ITPRID1: variants seen among roughly 807,000 people sequenced by gnomAD.
The protein encoded by ITPRID1 is ITPR interacting domain containing 1.
In ITPRID1, 96 loss-of-function variants were observed where a neutral mutation model predicts 95.4. The ratio of observed to expected loss-of-function variants is 1.01; its 90% CI spans 0.85 to 1.19. ITPRID1 has a LOEUF of 1.19. ITPRID1 is among the 50% of genes most tolerant of loss of function. The probability of loss-of-function intolerance (pLI) is 0.00; values close to 1 mark genes in which losing one functional copy is unlikely to be tolerated. For missense variants in ITPRID1, 1,339 were observed against 1,252.9 expected, an observed-to-expected ratio of 1.07 and a Z score of -1.04; for synonymous variants, 510 against 453.6, an observed-to-expected ratio of 1.12 and a Z score of -1.58.
chr7:31,567,586 T>C (rs1784843413), intron 5 of ITPRID1, among the ~76,000 whole-genome samples: 1 of 146,156 alleles, frequency 6.8e-6, no homozygotes, highest in Non-Finnish European at 1.5e-5. Context: ...CCTGACTCTT[T>C]TTTTTTTTTT....
intron 10 of ITPRID1, among the ~76,000 whole-genome samples, chr7:31,606,116 G>T (rs184263698): frequency 1.4e-4 from 22 of 152,218 alleles, no homozygotes; most frequent in African/African-American, 5.3e-4. Context: ...GAGTTTCAAA[G>T]TTCTGTGTTT....
downstream of ITPRID1, chr7:31,658,222 G>GA (rs1419756037): frequency 4.6e-5 from 67 of 1,450,658 alleles, no homozygotes; most frequent in Non-Finnish European, 5.9e-5. Context: ...ACACTTCCCA[G>GA]AAAAATGTTG....
chr7:31,610,122 G>T lies in ITPRID1; in HGVS notation c.1228+26931G>T, dbSNP rs547231625. On this transcript the variant is annotated intron_variant, in intron 10 of 14. Transcript: ENST00000615280. Reference sequence around the variant, plus strand: ...TATGGATTTCTAATCTCATTCTGCTGCAGTCAGAAATGTTATTTTGTATGA... The same window carrying T: ...TATGGATTTCTAATCTCATTCTGCTTCAGTCAGAAATGTTATTTTGTATGA... Among the ~76,000 whole-genome samples the T allele has an allele frequency of 2.9e-4, 44 of 151,628 alleles. 1 individual carries two copies. The highest frequency in any genetic ancestry group is 9.6e-4 in the African/African-American group (40 of 41,494).
rs1037141982 is a variant in ITPRID1 at position 31,547,731 on chromosome 7, T to C, written c.-97-1695T>C. Among the ~76,000 whole-genome samples, 5 of 152,094 alleles carry C rather than the reference T, an allele frequency of 3.3e-5. No homozygotes were observed. In the East Asian group the frequency reaches 9.7e-4, roughly 29 times the overall value. ...TAAGTCCTTGGCATAAGCAACTGCC[T>C]GAATAGTGGCCCTGTTTACTGAGAT... On this transcript the variant is annotated intron_variant, in intron 1 of 14. Transcript: ENST00000615280.
At chr7:31,544,731 A>G (rs1317706815) in intron 1 of ITPRID1, among the ~76,000 whole-genome samples, 2 of 152,180 alleles carry the variant, frequency 1.3e-5, no homozygotes, top group East Asian at 3.8e-4. Flanking sequence ...TCATATATTT[A>G]ATTGAATTAG....
At position 31,639,547 on chromosome 7, in the gene ITPRID1, T is replaced by G. The variant is rs1583696520; in HGVS notation, c.1229-2629T>G. Reference sequence around the variant, plus strand: ...TTGTTTGTTTGTTTTTGTTTTTTTTTTTTTTTTGAGATGGAGTCTCACTCT... The same window carrying G: ...TTGTTTGTTTGTTTTTGTTTTTTTTGTTTTTTTGAGATGGAGTCTCACTCT... On this transcript the variant is annotated intron_variant, in intron 10 of 14. Coordinates refer to ENST00000615280, the MANE Select transcript of ITPRID1 (RefSeq NM_001257967.3). 2.0e-5 allele frequency among the ~76,000 whole-genome samples: 3 copies of G among 149,672 alleles called. No homozygotes were observed. In the East Asian group the frequency reaches 5.8e-4, roughly 29 times the overall value.
chr7:31,613,810 C>G (rs1006363528), intron 10 of ITPRID1, among the ~76,000 whole-genome samples: 4 of 152,142 alleles, frequency 2.6e-5, no homozygotes, highest in Non-Finnish European at 5.9e-5. Flanking sequence ...CCTTTGAATT[C>G]TTTTTGCCCT....
chr7:31,632,894 A>T (rs1789144731), intron 10 of ITPRID1, among the ~76,000 whole-genome samples: 1 of 151,178 alleles, frequency 6.6e-6, no homozygotes, highest in Non-Finnish European at 1.5e-5. Context: ...TCATTCATTT[A>T]TTTATTTATT....
At chr7:31,615,001 A>G (rs1289082889) in intron 10 of ITPRID1, among the ~76,000 whole-genome samples, 1 of 152,216 alleles carries the variant, frequency 6.6e-6, no homozygotes, top group Non-Finnish European at 1.5e-5. Context: ...TTTTTAAGCT[A>G]TAGGCTGAAG....
chr7:31,589,303 T>C (rs1347849779), intron 10 of ITPRID1, among the ~76,000 whole-genome samples: 1 of 152,098 alleles, frequency 6.6e-6, no homozygotes, highest in African/African-American at 2.4e-5. Flanking sequence ...TTGAAAATTA[T>C]AGAAAATACT....
intron 10 of ITPRID1, among the ~76,000 whole-genome samples, chr7:31,611,169 T>G (rs546535387): frequency 2.6e-5 from 4 of 151,670 alleles, no homozygotes; most frequent in Admixed American, 6.6e-5. Flanking sequence ...TATCTTAACT[T>G]AAAAAATCTA....
chr7:31,568,775 G>A lies in ITPRID1; in HGVS notation c.257-983G>A, dbSNP rs561649299. On this transcript the variant is annotated intron_variant, in intron 5 of 14. Coordinates refer to ENST00000615280, the MANE Select transcript of ITPRID1 (RefSeq NM_001257967.3). The stretch of plus-strand genomic sequence containing the variant: ...TTACTTGTTTGCTCAAAAACCTTTC[G>A]TGGTTTTCATGTCCTAACACATACA... 5.2e-4 allele frequency among the ~76,000 whole-genome samples: 79 copies of A among 152,206 alleles called. 1 individual carries two copies. Among genetic ancestry groups the A allele is most frequent in the African/African-American group, 1.6e-3 (66 of 41,516 alleles).
intron 10 of ITPRID1, among the ~76,000 whole-genome samples, chr7:31,628,956 AC>A (rs1788747029): frequency 6.6e-6 from 1 of 152,214 alleles, no homozygotes; most frequent in Non-Finnish European, 1.5e-5. Flanking sequence ...AAACAAAAAA[AC>A]ATTTGGACTG....
At chr7:31,554,773 G>T (rs1784394526) in intron 4 of ITPRID1, 85 bp from the exon 5 acceptor site, 1 of 1,188,536 alleles carries the variant, frequency 8.4e-7, no homozygotes, top group Non-Finnish European at 1.2e-6. Flanking sequence ...CTCTGCATTT[G>T]CTCTCACCTG....
intron 10 of ITPRID1, among the ~76,000 whole-genome samples, chr7:31,585,606 T>C (rs1785563400): frequency 6.6e-6 from 1 of 152,110 alleles, no homozygotes; most frequent in Non-Finnish European, 1.5e-5. Context: ...TAAAGGCCCA[T>C]CTAGGGGTTA....
intron 10 of ITPRID1, among the ~76,000 whole-genome samples, chr7:31,616,415 G>A (rs773827966): frequency 3.8e-5 from 1 of 26,444 alleles, no homozygotes; most frequent in Non-Finnish European, 7.3e-5. Flanking sequence ...CCTACCACCT[G>A]TCTTAGGTTG....
chr7:31,560,146 A>T (rs530320875), intron 5 of ITPRID1, among the ~76,000 whole-genome samples: 2 of 152,316 alleles, frequency 1.3e-5, no homozygotes, highest in East Asian at 3.9e-4. Context: ...TCTGGGGATG[A>T]GCTGTTTCAG....
chr7:31,639,691 C>A (rs754604475), intron 10 of ITPRID1, among the ~76,000 whole-genome samples: 7 of 151,862 alleles, frequency 4.6e-5, no homozygotes, highest in Non-Finnish European at 8.8e-5. Context: ...TGCCTGCCAC[C>A]ATGCCCGGCT....
intron 10 of ITPRID1, among the ~76,000 whole-genome samples, chr7:31,627,177 C>T (rs981821630): frequency 2.0e-5 from 3 of 152,152 alleles, no homozygotes; most frequent in East Asian, 3.9e-4. Flanking sequence ...CAGTATTCCC[C>T]GTTGTCCATG....
Sources: allele counts gnomAD v4.1 joint callset (sites outside exome capture counted in the v4.1 genomes callset), GRCh38; gene constraint gnomAD v4.1.1; transcripts MANE v1.5; gene names NCBI Gene and HGNC (gene_info 2026-07-23, HGNC 2026-07-21).